BTBD9: variants seen among roughly 807,000 people sequenced by gnomAD.
The protein encoded by BTBD9 is BTB domain containing 9, also known as BTB/POZ domain-containing protein 9.
Under a neutral mutation model 64.3 loss-of-function variants are expected in BTBD9, and 49 were observed. The observed-to-expected ratio is 0.76, with a 90% CI of 0.61 to 0.97. The LOEUF is 0.97. Ranked by LOEUF, BTBD9 falls within the 50% of genes least tolerant of loss-of-function variation. The pLI, the probability that BTBD9 is intolerant of heterozygous loss-of-function variation, is 0.00. For synonymous variants in BTBD9, 260 were observed against 274.7 expected (o/e 0.95, Z 0.53); for missense variants, 598 against 762.1 (o/e 0.78, Z 2.53).
intron 6 of BTBD9, among the ~76,000 whole-genome samples, chr6:38,492,552 T>C (rs750777495): frequency 3.9e-5 from 6 of 152,218 alleles, no homozygotes; most frequent in Non-Finnish European, 8.8e-5. Context: ...CTCTCATTCA[T>C]GAATTTCATA....
At chr6:38,421,743 C>A (rs1377134152) in intron 6 of BTBD9, among the ~76,000 whole-genome samples, 1 of 152,146 alleles carries the variant, frequency 6.6e-6, no homozygotes. Flanking sequence ...CATTAGCAGA[C>A]ACTAGAAGTT....
chr6:38,405,356 G>T (rs957816349), intron 6 of BTBD9, among the ~76,000 whole-genome samples: 1 of 152,102 alleles, frequency 6.6e-6, no homozygotes, highest in Non-Finnish European at 1.5e-5. Context: ...GCCAACTTCT[G>T]GTTTCTTGCC....
intron 6 of BTBD9, among the ~76,000 whole-genome samples, chr6:38,527,623 T>A (rs1046042257): frequency 2.6e-5 from 4 of 152,148 alleles, no homozygotes; most frequent in African/African-American, 9.7e-5. Context: ...TGCAGAACTA[T>A]GAGTCAATTA....
chr6:38,530,473 G>T (rs1207384982), intron 6 of BTBD9, among the ~76,000 whole-genome samples: 1 of 152,092 alleles, frequency 6.6e-6, no homozygotes, highest in Non-Finnish European at 1.5e-5. Flanking sequence ...GGGCATCACG[G>T]TCCTACTGAT....
chr6:38,255,687 C>T (rs537441131), intron 9 of BTBD9, among the ~76,000 whole-genome samples: 1 of 152,222 alleles, frequency 6.6e-6, no homozygotes, highest in African/African-American at 2.4e-5. Flanking sequence ...GTTTGAGTAA[C>T]AGCATAGTTA....
At chr6:38,572,792 AT>A (rs926577335) in intron 6 of BTBD9, among the ~76,000 whole-genome samples, 105 of 150,962 alleles carry the variant, frequency 7.0e-4, no homozygotes, top group African/African-American at 2.4e-3. Flanking sequence ...AGTGGAAAAA[AT>A]ATATATATAT....
At chr6:38,232,589 T>C (rs555772625) in intron 9 of BTBD9, among the ~76,000 whole-genome samples, 2 of 152,238 alleles carry the variant, frequency 1.3e-5, no homozygotes, top group Non-Finnish European at 2.9e-5. Flanking sequence ...AAAAGATTTG[T>C]TATTGGACTT....
At chr6:38,561,335 T>C (rs529413877) in intron 6 of BTBD9, among the ~76,000 whole-genome samples, 95 of 151,402 alleles carry the variant, frequency 6.3e-4, no homozygotes, top group African/African-American at 2.2e-3. Flanking sequence ...CAGGGAAGGA[T>C]TATATACTGT....
At chr6:38,426,386 C>T (rs1200448635) in intron 6 of BTBD9, among the ~76,000 whole-genome samples, 3 of 151,928 alleles carry the variant, frequency 2.0e-5, no homozygotes, top group Non-Finnish European at 4.4e-5. Flanking sequence ...GGCATTCGAG[C>T]GGGCAACGGC....
intron 6 of BTBD9, among the ~76,000 whole-genome samples, chr6:38,467,589 A>C (rs1158985094): frequency 1.3e-5 from 2 of 152,212 alleles, no homozygotes; most frequent in African/African-American, 4.8e-5. Context: ...TCAACTGAGA[A>C]GGTGATCTAC....
chr6:38,444,353 AAAG>A (rs1486547705), intron 6 of BTBD9, among the ~76,000 whole-genome samples: 2 of 152,192 alleles, frequency 1.3e-5, no homozygotes, highest in Non-Finnish European at 2.9e-5. Flanking sequence ...CAGAATCATA[AAAG>A]AATCATATGG....
Position 38,175,146 on chromosome 6 carries a change from G to C in BTBD9, c.1678C>G (p.Gln560Glu). ...HCVHFECPEQ[Q>E]SSQKEENSEE... Reference sequence around the variant, plus strand: ...CTATTTTCCTCCTTCTGGCTGCTCTGCTGCTCTGGACACTCAAAGTGGACA... The same window carrying C: ...CTATTTTCCTCCTTCTGGCTGCTCTCCTGCTCTGGACACTCAAAGTGGACA... The change falls in exon 11 of 11, where the codon CAG (glutamine) becomes GAG (glutamate). Residue 560 changes from glutamine (Q) to glutamate (E), a missense_variant. Transcript: ENST00000481247. The C allele has an allele frequency of 1.2e-6, 2 of 1,614,120 alleles. No homozygotes were observed. The highest frequency in any genetic ancestry group is 1.7e-6 in the Non-Finnish European group (2 of 1,179,968).
chr6:38,587,915 C>T, intron 4 of BTBD9: 1 of 721,060 alleles, frequency 1.4e-6, no homozygotes, highest in South Asian at 1.4e-5. Context: ...GGTTTCAGGG[C>T]AACCCAGTGC....
chr6:38,313,636 A>G (rs1762926218), intron 7 of BTBD9, among the ~76,000 whole-genome samples: 1 of 151,840 alleles, frequency 6.6e-6, no homozygotes, highest in Non-Finnish European at 1.5e-5. Context: ...TGAAATAATT[A>G]TATGGTGTTT....
chr6:38,176,127 C>T (rs796665244), intron 10 of BTBD9, among the ~76,000 whole-genome samples: 94 of 152,248 alleles, frequency 6.2e-4, no homozygotes, highest in Admixed American at 1.8e-3. Context: ...TCGGGGGGTC[C>T]TGACATGCAT....
chr6:38,484,139 G>A (rs1365948600), intron 6 of BTBD9, among the ~76,000 whole-genome samples: 1 of 152,184 alleles, frequency 6.6e-6, no homozygotes, highest in African/African-American at 2.4e-5. Flanking sequence ...CCTGTGTTCA[G>A]CTCTTTGCTC....
At chr6:38,633,200 T>A (rs1778419157) in intron 1 of BTBD9, among the ~76,000 whole-genome samples, 1 of 152,216 alleles carries the variant, frequency 6.6e-6, no homozygotes, top group African/African-American at 2.4e-5. Flanking sequence ...CATTTCTACA[T>A]CAAGATATTA....
At chr6:38,579,559 C>A (rs1297625641) in intron 5 of BTBD9, among the ~76,000 whole-genome samples, 1 of 152,096 alleles carries the variant, frequency 6.6e-6, no homozygotes, top group Admixed American at 6.5e-5. Flanking sequence ...TAAATGGGTT[C>A]CCAAACTGGA....
chr6:38,425,275 T>G (rs1485980660), intron 6 of BTBD9, among the ~76,000 whole-genome samples: 1 of 151,578 alleles, frequency 6.6e-6, no homozygotes. Flanking sequence ...CTAGTTAACT[T>G]TTGTATTTTT....
Sources: allele counts gnomAD v4.1 joint callset (sites outside exome capture counted in the v4.1 genomes callset), GRCh38; gene constraint gnomAD v4.1.1; transcripts MANE v1.5; gene names NCBI Gene and HGNC (gene_info 2026-07-23, HGNC 2026-07-21).